PLXNA4: variants seen among roughly 807,000 people sequenced by gnomAD.
PLXNA4 encodes plexin A4, also known as plexin-A4.
Under a neutral mutation model 191.8 loss-of-function variants are expected in PLXNA4, and 44 were observed. The ratio of observed to expected loss-of-function variants is 0.23; its 90% CI spans 0.18 to 0.29. PLXNA4 has a LOEUF of 0.29. PLXNA4 is among the 10% of genes least tolerant of loss of function. The pLI, the probability that PLXNA4 is intolerant of heterozygous loss-of-function variation, is 1.00. For synonymous variants in PLXNA4, 1,082 were observed against 1,009.5 expected (o/e 1.07, Z -1.36); for missense variants, 1,800 against 2,488.8 (o/e 0.72, Z 5.89).
chr7:132,553,653 T>C (rs1800663640), intron 1 of PLXNA4, among the ~76,000 whole-genome samples: 4 of 152,166 alleles, frequency 2.6e-5, no homozygotes, highest in Admixed American at 2.6e-4. Context: ...TTTCTTTGGG[T>C]CAAGCATCAT....
intron 2 of PLXNA4, among the ~76,000 whole-genome samples, chr7:132,621,577 C>T (rs1803268770): frequency 6.6e-6 from 1 of 152,144 alleles, no homozygotes; most frequent in Admixed American, 6.5e-5. Flanking sequence ...AGTTTTTATA[C>T]ATTGCTGCAA....
rs1029501581 is a variant in PLXNA4 at position 132,126,228 on chromosome 7, A to AGTC, written c.*4248_*4250dup. The AGTC allele has an allele frequency of 4.6e-5, 7 of 152,370 alleles. No homozygotes were observed. Among genetic ancestry groups the AGTC allele is most frequent in the Admixed American group, 2.6e-4 (4 of 15,266 alleles). 9.4% of individuals were successfully genotyped at this position (152,370 alleles called of 1,614,324 possible). A position where few individuals can be genotyped will look rare whatever the true frequency, so the allele number is the denominator to read the frequency against. On this transcript the variant is annotated 3_prime_UTR_variant, in exon 32 of 32. Transcript: ENST00000321063. ...TTCTTGCAGTGGAGGTCATTTGGGA[A>AGTC]GTCATTGCTTGTGGATCCTCGGATG... is the stretch of plus-strand genomic sequence containing the variant.
chr7:132,339,798 G>A (rs1802954339), intron 3 of PLXNA4, among the ~76,000 whole-genome samples: 1 of 152,136 alleles, frequency 6.6e-6, no homozygotes, highest in Admixed American at 6.5e-5. Flanking sequence ...TAGCATGCCT[G>A]TATTCAGGAC....
chr7:132,557,457 G>A (rs1017840097), intron 1 of PLXNA4, among the ~76,000 whole-genome samples: 1 of 152,102 alleles, frequency 6.6e-6, no homozygotes, highest in South Asian at 2.1e-4. Context: ...TGGCGGCAGG[G>A]GGGGACGTAA....
chr7:132,183,818 CCTGT>C (rs544194340), intron 16 of PLXNA4, among the ~76,000 whole-genome samples: 3 of 152,164 alleles, frequency 2.0e-5, no homozygotes, highest in Non-Finnish European at 2.9e-5. Context: ...GCAGGCAAAG[CCTGT>C]CTTTCTTTTG....
At chr7:132,133,939 G>T (rs1795042304) in intron 30 of PLXNA4, among the ~76,000 whole-genome samples, 1 of 152,150 alleles carries the variant, frequency 6.6e-6, no homozygotes, top group African/African-American at 2.4e-5. Flanking sequence ...AGAGGTAACT[G>T]CAATGACAGG....
chr7:132,161,093 G>A (rs281882), intron 24 of PLXNA4, among the ~76,000 whole-genome samples: 138,174 of 152,186 alleles, frequency 0.91, 63,093 homozygotes, highest in African/African-American at 0.94. Flanking sequence ...TCAGCAGCCA[G>A]GCAAAGCCTG....
intron 3 of PLXNA4, among the ~76,000 whole-genome samples, chr7:132,302,241 G>T (rs1007294092): frequency 2.0e-5 from 3 of 152,126 alleles, no homozygotes; most frequent in African/African-American, 7.2e-5. Context: ...AGGAAAATGT[G>T]CAAATGATTC....
intron 2 of PLXNA4, among the ~76,000 whole-genome samples, chr7:132,582,541 C>T (rs1252509332): frequency 2.0e-5 from 3 of 152,156 alleles, no homozygotes; most frequent in Non-Finnish European, 2.9e-5. Context: ...AGCTTGGTCT[C>T]TTTAGTCCCT....
intron 3 of PLXNA4, among the ~76,000 whole-genome samples, chr7:132,396,237 A>T (rs1190085797): frequency 6.6e-6 from 1 of 152,138 alleles, no homozygotes; most frequent in East Asian, 1.9e-4. Flanking sequence ...AAAATTGGGG[A>T]GTTCATAAAG....
At chr7:132,294,392 T>C (rs1801001703) in intron 4 of PLXNA4, among the ~76,000 whole-genome samples, 1 of 152,166 alleles carries the variant, frequency 6.6e-6, no homozygotes, top group African/African-American at 2.4e-5. Context: ...GGTGATGAGC[T>C]TGGACATCTC....
intron 4 of PLXNA4, among the ~76,000 whole-genome samples, chr7:132,249,841 C>G (rs1799184376): frequency 6.6e-6 from 1 of 152,204 alleles, no homozygotes; most frequent in South Asian, 2.1e-4. Flanking sequence ...AGGCTACTTA[C>G]TATACTGCCA....
At chr7:132,411,906 C>T (rs1329255036) in intron 3 of PLXNA4, among the ~76,000 whole-genome samples, 1 of 152,148 alleles carries the variant, frequency 6.6e-6, no homozygotes, top group African/African-American at 2.4e-5. Context: ...CTCTGACCAC[C>T]CCAGACATTT....
chr7:132,419,231 C>T (rs559762354), intron 3 of PLXNA4, among the ~76,000 whole-genome samples: 1 of 152,318 alleles, frequency 6.6e-6, no homozygotes, highest in Admixed American at 6.5e-5. Context: ...GGCATCGTGT[C>T]CTGGGCAGAG....
chr7:132,134,085 G>A (rs1795046444), intron 30 of PLXNA4, among the ~76,000 whole-genome samples: 1 of 152,192 alleles, frequency 6.6e-6, no homozygotes, highest in Admixed American at 6.5e-5. Context: ...GGGGAGGACA[G>A]TCTGCAGGGC....
At chr7:132,173,019 G>A (rs1796339951) in intron 21 of PLXNA4, among the ~76,000 whole-genome samples, 1 of 152,056 alleles carries the variant, frequency 6.6e-6, no homozygotes, top group South Asian at 2.1e-4. Context: ...CTTCCCACAT[G>A]CCCATTATGT....
chr7:132,298,776 A>G (rs1801199803), intron 3 of PLXNA4, among the ~76,000 whole-genome samples: 1 of 152,248 alleles, frequency 6.6e-6, no homozygotes, highest in Non-Finnish European at 1.5e-5. Flanking sequence ...TACTTATACC[A>G]TTAGGTCCTG....
intron 3 of PLXNA4, among the ~76,000 whole-genome samples, chr7:132,395,171 A>G (rs778612068): frequency 6.6e-6 from 1 of 152,206 alleles, no homozygotes; most frequent in African/African-American, 2.4e-5. Flanking sequence ...TTAGGCATTC[A>G]GGTGTAGGTC....
chr7:132,384,378 A>T, intron 3 of PLXNA4: 1 of 985,520 alleles, frequency 1.0e-6, no homozygotes, highest in Non-Finnish European at 1.2e-6. Context: ...GGAGCACATG[A>T]CACCAAGTGT....
Sources: gnomAD v4.1 joint callset for allele counts (sites outside exome capture counted in the v4.1 genomes callset) on GRCh38, gnomAD v4.1.1 for gene constraint, MANE v1.5 for transcripts, NCBI Gene and HGNC (gene_info 2026-07-23, HGNC 2026-07-21) for gene names.